The following MAPRE3 variants were observed in gnomAD, a reference collection of about 807,000 sequenced individuals.
MAPRE3 encodes microtubule-associated protein RP/EB family member 3.
Under a neutral mutation model 30.5 loss-of-function variants are expected in MAPRE3, and 2 were observed. That is an observed-to-expected ratio of 0.07 (90% CI 0.03 to 0.21). The LOEUF is 0.21. MAPRE3 is among the 10% of genes least tolerant of loss of function. The probability of loss-of-function intolerance (pLI) is 1.00; values close to 1 mark genes in which losing one functional copy is unlikely to be tolerated. For synonymous variants in MAPRE3, 110 were observed against 127.7 expected (o/e 0.86, Z 0.93); for missense variants, 204 against 351.8 (o/e 0.58, Z 3.36).
chr2:27,004,256 T>C (rs761742650), intron 1 of MAPRE3, among the ~76,000 whole-genome samples: 5 of 152,186 alleles, frequency 3.3e-5, no homozygotes, highest in Non-Finnish European at 5.9e-5. Context: ...CCCGTCCACA[T>C]AGCTCAATGT....
intron 1 of MAPRE3, among the ~76,000 whole-genome samples, chr2:27,001,847 A>G (rs1482313476): frequency 2.0e-5 from 3 of 152,206 alleles, no homozygotes; most frequent in Non-Finnish European, 2.9e-5. Flanking sequence ...CCCCGGCTTC[A>G]TGGACTGTAA....
chr2:27,006,362 G>T (rs746783614), intron 1 of MAPRE3, among the ~76,000 whole-genome samples: 1 of 152,144 alleles, frequency 6.6e-6, no homozygotes, highest in Non-Finnish European at 1.5e-5. Context: ...ACCTTCATAA[G>T]TTCATAGTTG....
chr2:27,007,477 C>A (rs1394321300), intron 1 of MAPRE3, among the ~76,000 whole-genome samples: 2 of 152,224 alleles, frequency 1.3e-5, no homozygotes, highest in East Asian at 3.8e-4. Context: ...AAATTATGTT[C>A]TGCATAACGA....
At chr2:27,023,696 C>T (rs1217258688) in intron 3 of MAPRE3, 3 of 569,386 alleles carry the variant, frequency 5.3e-6, no homozygotes, top group Admixed American at 2.8e-5. Context: ...TTCCCTTCCT[C>T]CTCTCTGGAC....
At chr2:27,017,852 A>G (rs1223884975) in intron 1 of MAPRE3, among the ~76,000 whole-genome samples, 2 of 151,308 alleles carry the variant, frequency 1.3e-5, no homozygotes, top group African/African-American at 4.8e-5. Context: ...TAATGTATAT[A>G]TAATATATCA....
chr2:26,994,173 TA>T (rs1300655439), intron 1 of MAPRE3, among the ~76,000 whole-genome samples: 1 of 152,244 alleles, frequency 6.6e-6, no homozygotes, highest in Non-Finnish European at 1.5e-5. Context: ...TTTGATCTGA[TA>T]ACTTAATTAT....
chr2:27,006,124 C>T (rs1666721017), intron 1 of MAPRE3, among the ~76,000 whole-genome samples: 1 of 152,050 alleles, frequency 6.6e-6, no homozygotes, highest in Admixed American at 6.6e-5. Context: ...GTAGCTGGCA[C>T]TGAGCCAAGA....
At chr2:26,978,752 G>A (rs1438084216) in intron 1 of MAPRE3, among the ~76,000 whole-genome samples, 1 of 152,168 alleles carries the variant, frequency 6.6e-6, no homozygotes, top group Non-Finnish European at 1.5e-5. Flanking sequence ...CTCTCAGCAC[G>A]TATTCTTCAT....
chr2:27,011,005 G>A (rs1197886798), intron 1 of MAPRE3, among the ~76,000 whole-genome samples: 6 of 151,950 alleles, frequency 3.9e-5, no homozygotes, highest in African/African-American at 1.5e-4. Flanking sequence ...TGACCATATC[G>A]CCACCTCTGG....
At chr2:27,011,826 A>G (rs532635676) in intron 1 of MAPRE3, 22 of 144,478 alleles carry the variant, frequency 1.5e-4, no homozygotes, top group African/African-American at 5.4e-4. Flanking sequence ...AGCCTGGGCA[A>G]CAAAGCGAGA....
rs1411863232 is a variant in MAPRE3, at chr2:26,986,243, G to A, written c.-8+15441G>A. 1.3e-5 allele frequency among the ~76,000 whole-genome samples: 2 copies of A among 152,068 alleles called. No individual in the cohort carries two copies. Among genetic ancestry groups the A allele is most frequent in the African/African-American group, 4.8e-5 (2 of 41,386 alleles). On this transcript the variant is annotated intron_variant, in intron 1 of 6. Coordinates refer to ENST00000233121, the MANE Select transcript of MAPRE3 (RefSeq NM_012326.4). This position sits in a 1 kb window ranked among gnomAD's most constrained non-coding sequence, Gnocchi z 4.2. ...TCTGCTTCCCCTTATAAGGACCCTG[G>A]TGATTACACTGGGCCCACTCAGATA...
Position 27,003,525 on chromosome 2 carries a change from T to C in MAPRE3, c.-7-18687T>C, listed in dbSNP as rs191307846. Reference sequence around the variant, plus strand: ...AGGGAATCAGCTGTCTACGAGCTTTTCTCATAGCCATGGCTTTACGCTTCT... The same window carrying C: ...AGGGAATCAGCTGTCTACGAGCTTTCCTCATAGCCATGGCTTTACGCTTCT... On this transcript the variant is annotated intron_variant, in intron 1 of 6. Coordinates refer to ENST00000233121, the MANE Select transcript of MAPRE3 (RefSeq NM_012326.4). 4.3e-4 allele frequency among the ~76,000 whole-genome samples: 65 copies of C among 152,324 alleles called. 2 individuals are homozygous for C. The East Asian group carries it at 0.011, about 25-fold the overall frequency.
At chr2:27,024,750 A>G (rs1667197457) in intron 4 of MAPRE3, among the ~76,000 whole-genome samples, 1 of 152,160 alleles carries the variant, frequency 6.6e-6, no homozygotes, top group Non-Finnish European at 1.5e-5. Flanking sequence ...TAAAGGCCCA[A>G]TAGTCCTAAG....
rs895224158 is a variant in MAPRE3, at chr2:26,978,160, T to C, written c.-8+7358T>C. 3.3e-5 allele frequency among the ~76,000 whole-genome samples: 5 copies of C among 152,330 alleles called. No individual in the cohort carries two copies. In the East Asian group the frequency reaches 9.6e-4, roughly 29 times the overall value. ...GATTGTGGGAGAAACAGTCATCTTATCTTGAGGGCATTGTGGTCCTGGTCA... is the reference window on the plus strand; with the variant it reads ...GATTGTGGGAGAAACAGTCATCTTACCTTGAGGGCATTGTGGTCCTGGTCA... On this transcript the variant is annotated intron_variant, in intron 1 of 6. Transcript: ENST00000233121.
chr2:26,982,936 C>T (rs1666143930), intron 1 of MAPRE3, among the ~76,000 whole-genome samples: 1 of 152,116 alleles, frequency 6.6e-6, no homozygotes, highest in Admixed American at 6.5e-5. Context: ...GACAAGAGTG[C>T]CAGCAAAAGC....
chr2:26,999,840 AT>A (rs546608085), intron 1 of MAPRE3, among the ~76,000 whole-genome samples: 4 of 151,308 alleles, frequency 2.6e-5, no homozygotes, highest in East Asian at 1.9e-4. Context: ...CATCTCATAG[AT>A]TTTTTTTTGG....
intron 1 of MAPRE3, chr2:27,012,574 A>G (rs905737520): frequency 2.6e-5 from 4 of 152,586 alleles, no homozygotes; most frequent in African/African-American, 9.7e-5. Flanking sequence ...GAGAGAAGCT[A>G]TCTGCAGGCC....
chr2:27,001,503 A>G (rs1367081359), intron 1 of MAPRE3, among the ~76,000 whole-genome samples: 1 of 152,166 alleles, frequency 6.6e-6, no homozygotes, highest in Non-Finnish European at 1.5e-5. Flanking sequence ...GTGAGATCCC[A>G]TCATTCATAG....
Position 26,984,395 on chromosome 2 carries a change from C to G in MAPRE3, c.-8+13593C>G, listed in dbSNP as rs951403375. ...ATTCCAACTTTTTTCTACACACATACTAACATATTATTTTTTTTAAACATG... is the reference window on the plus strand; with the variant it reads ...ATTCCAACTTTTTTCTACACACATAGTAACATATTATTTTTTTTAAACATG... On this transcript the variant is annotated intron_variant, in intron 1 of 6. Transcript: ENST00000233121. 2.0e-5 allele frequency among the ~76,000 whole-genome samples: 3 copies of G among 152,178 alleles called. No individual in the cohort carries two copies. The South Asian group carries it at 6.2e-4, about 32-fold the overall frequency.
Sources: gnomAD v4.1 joint callset for allele counts (sites outside exome capture counted in the v4.1 genomes callset) on GRCh38, gnomAD v4.1.1 for gene constraint, Gnocchi (gnomAD v3.1) non-coding constraint, MANE v1.5 for transcripts, NCBI Gene and HGNC (gene_info 2026-07-23, HGNC 2026-07-21) for gene names.